AGBL4: variants seen among roughly 807,000 people sequenced by gnomAD.
AGBL4 encodes cytosolic carboxypeptidase 6.
Under a neutral mutation model 66.4 loss-of-function variants are expected in AGBL4, and 58 were observed. The ratio of observed to expected loss-of-function variants is 0.87; its 90% CI spans 0.71 to 1.09. The LOEUF is 1.09. AGBL4 is among the 50% of genes least tolerant of loss of function. AGBL4 has a pLI of 0.00. For synonymous variants in AGBL4, 234 were observed against 222.9 expected (o/e 1.05, Z -0.44); for missense variants, 579 against 631.0 (o/e 0.92, Z 0.88).
chr1:49,234,231 G>A (rs1216528136), intron 4 of AGBL4, among the ~76,000 whole-genome samples: 1 of 152,120 alleles, frequency 6.6e-6, no homozygotes, highest in East Asian at 1.9e-4. Flanking sequence ...AAATAAATTT[G>A]TCATATGCCC....
chr1:49,192,157 G>A (rs1325113363), intron 4 of AGBL4, among the ~76,000 whole-genome samples: 1 of 151,960 alleles, frequency 6.6e-6, no homozygotes, highest in Non-Finnish European at 1.5e-5. Context: ...ATTCTAATTG[G>A]GATGAGATGG....
At chr1:49,822,310 CGT>C (rs143957066) in intron 2 of AGBL4, among the ~76,000 whole-genome samples, 2,360 of 145,354 alleles carry the variant, frequency 0.016, 44 homozygotes, top group African/African-American at 0.049. Flanking sequence ...CTTCTTTCTT[CGT>C]GTGTGTGTGT....
intron 5 of AGBL4, among the ~76,000 whole-genome samples, chr1:48,936,686 G>A (rs550707147): frequency 1.3e-3 from 204 of 152,194 alleles, no homozygotes; most frequent in African/African-American, 2.9e-3. Flanking sequence ...GAATCATCCC[G>A]GTCTTATTTG....
At chr1:49,781,050 A>G (rs745924904) in intron 2 of AGBL4, among the ~76,000 whole-genome samples, 1 of 152,154 alleles carries the variant, frequency 6.6e-6, no homozygotes, top group Non-Finnish European at 1.5e-5. Context: ...ACACAAAAAG[A>G]AGGCTGGAGT....
chr1:49,188,850 C>A (rs1410392333), intron 4 of AGBL4, among the ~76,000 whole-genome samples: 2 of 152,108 alleles, frequency 1.3e-5, no homozygotes, highest in Non-Finnish European at 2.9e-5. Context: ...AGAAGGAGTG[C>A]AAAGTTTTCA....
In AGBL4 at chr1:49,553,137, G is replaced by A. The variant is rs570673470; in HGVS notation, c.282+144176C>T. Among the ~76,000 whole-genome samples, 11 of 152,224 alleles carry A rather than the reference G, an allele frequency of 7.2e-5. No homozygotes were observed. The South Asian group carries it at 8.3e-4, about 11-fold the overall frequency. ...AAATGAATGAATTGATCTACATTTC[G>A]CATTTTAATTAGAATATTCAGTCAG... On this transcript the variant is annotated intron_variant, in intron 3 of 13. Coordinates refer to ENST00000371839, the MANE Select transcript of AGBL4 (RefSeq NM_032785.4).
At chr1:49,179,442 G>T (rs1209114662) in intron 4 of AGBL4, among the ~76,000 whole-genome samples, 1 of 152,064 alleles carries the variant, frequency 6.6e-6, no homozygotes. Context: ...TTAAAAAATA[G>T]TAGTTCTGTC....
intron 2 of AGBL4, among the ~76,000 whole-genome samples, chr1:49,766,573 A>T (rs900250845): frequency 1.3e-5 from 2 of 151,986 alleles, no homozygotes; most frequent in African/African-American, 2.4e-5. Flanking sequence ...AAAACCTCAC[A>T]TGTCAATATT....
At chr1:49,576,904 T>C (rs563096417) in intron 3 of AGBL4, among the ~76,000 whole-genome samples, 17 of 152,288 alleles carry the variant, frequency 1.1e-4, no homozygotes, top group African/African-American at 4.1e-4. Context: ...ACAGCCCCTT[T>C]CTAAGACATC....
intron 6 of AGBL4, among the ~76,000 whole-genome samples, chr1:48,778,012 G>A (rs913877642): frequency 2.0e-5 from 3 of 152,090 alleles, no homozygotes; most frequent in African/African-American, 7.2e-5. Flanking sequence ...ATCAGAGGAG[G>A]TCAGTACCTT....
chr1:48,574,083 T>G (rs1644611160), intron 11 of AGBL4, among the ~76,000 whole-genome samples: 1 of 152,244 alleles, frequency 6.6e-6, no homozygotes, highest in Non-Finnish European at 1.5e-5. Context: ...ATCTGTTATA[T>G]CTCAGCTATT....
chr1:49,162,209 A>G (rs1646553721), intron 4 of AGBL4, among the ~76,000 whole-genome samples: 1 of 152,122 alleles, frequency 6.6e-6, no homozygotes. Context: ...AATAATAGCA[A>G]TTATGATGAT....
intron 5 of AGBL4, among the ~76,000 whole-genome samples, chr1:48,922,723 A>G (rs1654191189): frequency 6.6e-6 from 1 of 152,216 alleles, no homozygotes; most frequent in South Asian, 2.1e-4. Flanking sequence ...CATATACTGT[A>G]ATGTACTTGA....
chr1:48,552,399 A>G (rs1335289822), intron 11 of AGBL4, among the ~76,000 whole-genome samples: 3 of 152,190 alleles, frequency 2.0e-5, no homozygotes, highest in African/African-American at 7.2e-5. Flanking sequence ...CATTCAACAG[A>G]TAAGTTATCA....
intron 3 of AGBL4, among the ~76,000 whole-genome samples, chr1:49,353,164 A>G (rs1450332674): frequency 6.6e-6 from 1 of 152,224 alleles, no homozygotes; most frequent in African/African-American, 2.4e-5. Flanking sequence ...TTTTAGTCCC[A>G]GCTCTGCTCT....
intron 3 of AGBL4, among the ~76,000 whole-genome samples, chr1:49,307,563 T>C (rs895764668): frequency 2.0e-5 from 3 of 152,168 alleles, no homozygotes; most frequent in African/African-American, 7.2e-5. Flanking sequence ...TGTTTTATGT[T>C]GAGAACATAG....
chr1:49,940,364 G>T (rs963178796), intron 1 of AGBL4, among the ~76,000 whole-genome samples: 51 of 152,224 alleles, frequency 3.4e-4, no homozygotes, highest in African/African-American at 9.4e-4. Flanking sequence ...TATACCCAAA[G>T]GACTATAAAT....
chr1:49,439,916 T>C (rs554539829), intron 3 of AGBL4, among the ~76,000 whole-genome samples: 1 of 152,182 alleles, frequency 6.6e-6, no homozygotes, highest in Non-Finnish European at 1.5e-5. Flanking sequence ...CTATTAGTTC[T>C]GTCCCTCTAG....
intron 2 of AGBL4, among the ~76,000 whole-genome samples, chr1:49,774,350 C>T (rs970416660): frequency 1.3e-5 from 2 of 152,170 alleles, no homozygotes; most frequent in African/African-American, 4.8e-5. Flanking sequence ...ATGATTTGCT[C>T]CACACTCTTT....
Sources: gnomAD v4.1 joint callset for allele counts (sites outside exome capture counted in the v4.1 genomes callset) on GRCh38, gnomAD v4.1.1 for gene constraint, MANE v1.5 for transcripts, NCBI Gene and HGNC (gene_info 2026-07-23, HGNC 2026-07-21) for gene names.